MACROD2: variants seen among roughly 807,000 people sequenced by gnomAD.
The protein encoded by MACROD2 is mono-ADP ribosylhydrolase 2, also known as ADP-ribose glycohydrolase MACROD2.
MACROD2 carries 36 observed loss-of-function variants against 70.4 expected under a neutral mutation model. That is an observed-to-expected ratio of 0.51 (90% CI 0.39 to 0.68). The LOEUF (loss-of-function observed/expected upper bound fraction) is 0.68, where lower values mean the gene tolerates loss of function less well. MACROD2 is among the 30% of genes least tolerant of loss of function. MACROD2 has a pLI of 0.00. For synonymous variants in MACROD2, 172 were observed against 178.8 expected (o/e 0.96, Z 0.30); for missense variants, 496 against 538.4 (o/e 0.92, Z 0.78).
At chr20:14,940,657 A>G (rs2074382390) in intron 5 of MACROD2, among the ~76,000 whole-genome samples, 1 of 151,840 alleles carries the variant, frequency 6.6e-6, no homozygotes, top group African/African-American at 2.4e-5. Flanking sequence ...CAAAATGATC[A>G]TTTTTTTCCC....
intron 3 of MACROD2, among the ~76,000 whole-genome samples, chr20:14,449,384 G>A (rs1423313523): frequency 2.8e-4 from 43 of 152,046 alleles, no homozygotes; most frequent in Admixed American, 2.8e-3. Flanking sequence ...TGGCACCACA[G>A]GATTTGGAAT....
intron 5 of MACROD2, among the ~76,000 whole-genome samples, chr20:14,879,307 C>T (rs2073585293): frequency 6.6e-6 from 1 of 151,988 alleles, no homozygotes; most frequent in South Asian, 2.1e-4. Flanking sequence ...CATCTGTATA[C>T]CTAAATTCTT....
At chr20:14,028,058 T>C (rs2148629599) in intron 2 of MACROD2, among the ~76,000 whole-genome samples, 1 of 152,302 alleles carries the variant, frequency 6.6e-6, no homozygotes, top group South Asian at 2.1e-4. Context: ...GTTGGGAGTT[T>C]TACCTGTAAG....
chr20:15,641,149 A>G (rs2049453564), intron 8 of MACROD2, among the ~76,000 whole-genome samples: 1 of 152,120 alleles, frequency 6.6e-6, no homozygotes, highest in Non-Finnish European at 1.5e-5. Flanking sequence ...TATTTTTCTA[A>G]AAGTTGCATT....
rs540875981 is a variant in MACROD2, at chr20:15,581,910, G to A, written c.645+82063G>A. 8.5e-5 allele frequency among the ~76,000 whole-genome samples: 13 copies of A among 152,202 alleles called. No individual in the cohort carries two copies. In the South Asian group the frequency reaches 1.2e-3, roughly 15 times the overall value. On this transcript the variant is annotated intron_variant, in intron 8 of 17. Coordinates refer to ENST00000684519, the MANE Select transcript of MACROD2 (RefSeq NM_001351661.2). ...GCCGAGGCAGGTGGATCGCTTGAGCGTAGGAGTTTAAGACCAGCCTGGGCA... is the reference window on the plus strand; with the variant it reads ...GCCGAGGCAGGTGGATCGCTTGAGCATAGGAGTTTAAGACCAGCCTGGGCA...
intron 3 of MACROD2, among the ~76,000 whole-genome samples, chr20:14,442,274 CA>C (rs1166288941): frequency 6.6e-6 from 1 of 151,652 alleles, no homozygotes; most frequent in Non-Finnish European, 1.5e-5. Flanking sequence ...CATGTCAAAA[CA>C]AACAAACAAA....
At chr20:14,880,863 G>T (rs576859213) in intron 5 of MACROD2, among the ~76,000 whole-genome samples, 1 of 152,310 alleles carries the variant, frequency 6.6e-6, no homozygotes, top group East Asian at 1.9e-4. Context: ...GGATGAGTTT[G>T]CTGGGCCAGA....
intron 5 of MACROD2, among the ~76,000 whole-genome samples, chr20:14,723,133 A>G (rs2071489234): frequency 6.6e-6 from 1 of 152,108 alleles, no homozygotes; most frequent in African/African-American, 2.4e-5. Context: ...GCACATACAC[A>G]AAAATATGTA....
chr20:14,206,241 T>C (rs1468972713), intron 3 of MACROD2, among the ~76,000 whole-genome samples: 1 of 152,234 alleles, frequency 6.6e-6, no homozygotes, highest in East Asian at 1.9e-4. Context: ...AGTTTAGAAA[T>C]TCTGATCTAG....
intron 5 of MACROD2, among the ~76,000 whole-genome samples, chr20:15,208,894 G>T (rs1250274147): frequency 2.0e-5 from 3 of 152,116 alleles, no homozygotes; most frequent in Admixed American, 2.0e-4. Context: ...GGCTGAAATT[G>T]GCTTCCTAAC....
At chr20:14,708,104 G>A (rs910954386) in intron 5 of MACROD2, among the ~76,000 whole-genome samples, 5 of 152,020 alleles carry the variant, frequency 3.3e-5, no homozygotes, top group Admixed American at 6.5e-5. Context: ...ATTGTTCTAA[G>A]GATAATATGA....
At chr20:15,379,765 G>A (rs2045615548) in intron 6 of MACROD2, among the ~76,000 whole-genome samples, 1 of 152,006 alleles carries the variant, frequency 6.6e-6, no homozygotes, top group African/African-American at 2.4e-5. Context: ...TTCCACTCTT[G>A]CCTTCCTCTA....
At chr20:14,542,543 A>G (rs965398716) in intron 4 of MACROD2, among the ~76,000 whole-genome samples, 1 of 152,218 alleles carries the variant, frequency 6.6e-6, no homozygotes, top group Non-Finnish European at 1.5e-5. Context: ...ACATTTGTGC[A>G]TTTCATTGTA....
At chr20:14,257,863 T>G (rs2082070388) in intron 3 of MACROD2, among the ~76,000 whole-genome samples, 1 of 150,538 alleles carries the variant, frequency 6.6e-6, no homozygotes, top group African/African-American at 2.5e-5. Flanking sequence ...GTAGCCAGTG[T>G]GTAGTCTTGT....
Position 15,689,026 on chromosome 20 carries a change from G to A in MACROD2, c.646-173719G>A, listed in dbSNP as rs189232397. The stretch of plus-strand genomic sequence containing the variant: ...ATTGTTCAAAAAGGTAGATTGGGCC[G>A]GGCGTGATGGCTCACGCCTGTAATC... On this transcript the variant is annotated intron_variant, in intron 8 of 17. Transcript: ENST00000684519. 3.1e-3 allele frequency among the ~76,000 whole-genome samples: 474 copies of A among 152,316 alleles called. 2 individuals are homozygous for A. The highest frequency in any genetic ancestry group is 8.5e-3 in the African/African-American group (354 of 41,568).
intron 4 of MACROD2, among the ~76,000 whole-genome samples, chr20:14,601,963 CTATT>C (rs1445537281): frequency 3.9e-5 from 6 of 152,174 alleles, no homozygotes; most frequent in Admixed American, 6.5e-5. Context: ...CATATATAAA[CTATT>C]TATTTGCACG....
At chr20:15,881,381 G>T (rs1164681604) in intron 9 of MACROD2, among the ~76,000 whole-genome samples, 1 of 152,060 alleles carries the variant, frequency 6.6e-6, no homozygotes, top group Non-Finnish European at 1.5e-5. Context: ...GGGTGCTGCT[G>T]ATTGGTTGGG....
intron 8 of MACROD2, among the ~76,000 whole-genome samples, chr20:15,710,445 A>G (rs1435661894): frequency 2.6e-5 from 4 of 152,222 alleles, no homozygotes; most frequent in East Asian, 1.9e-4. Context: ...TTAAATTTCA[A>G]TAGAGTACTA....
intron 8 of MACROD2, among the ~76,000 whole-genome samples, chr20:15,696,903 C>T (rs1228442781): frequency 2.0e-5 from 3 of 151,856 alleles, no homozygotes; most frequent in Admixed American, 1.3e-4. Flanking sequence ...TGTAATATCT[C>T]TTGTTTCATT....
Sources: gnomAD v4.1 joint callset for allele counts (sites outside exome capture counted in the v4.1 genomes callset) on GRCh38, gnomAD v4.1.1 for gene constraint, MANE v1.5 for transcripts, NCBI Gene and HGNC (gene_info 2026-07-23, HGNC 2026-07-21) for gene names.